The following SPMIP2 variants were observed in gnomAD, a reference collection of about 807,000 sequenced individuals.
SPMIP2 encodes protein SPMIP2.
At chr4:159,039,804 T>C in the SPMIP2 span, among the ~76,000 whole-genome samples, 1 of 152,236 alleles carries the variant, frequency 6.6e-6, no homozygotes, top group African/African-American at 2.4e-5. Context: ...GCTTCGATAA[T>C]TGAATAGCTA....
the SPMIP2 span, among the ~76,000 whole-genome samples, chr4:158,969,898 A>G: frequency 6.6e-6 from 1 of 152,228 alleles, no homozygotes; most frequent in Non-Finnish European, 1.5e-5. Context: ...TTAGACTAAA[A>G]CAAGAAGTGA....
the SPMIP2 span, among the ~76,000 whole-genome samples, chr4:158,896,654 G>A: frequency 1.3e-5 from 2 of 151,988 alleles, no homozygotes; most frequent in Non-Finnish European, 2.9e-5. Flanking sequence ...AGAATGTGAC[G>A]CCTGTGTTGT....
At chr4:159,080,925 G>T in the SPMIP2 span, among the ~76,000 whole-genome samples, 1 of 151,980 alleles carries the variant, frequency 6.6e-6, no homozygotes, top group African/African-American at 2.4e-5. Flanking sequence ...GGTTTTCACC[G>T]TGTTAGCCAG....
chr4:159,022,986 T>C, the SPMIP2 span, among the ~76,000 whole-genome samples: 29 of 151,840 alleles, frequency 1.9e-4, 1 homozygote, highest in Admixed American at 1.5e-3. Context: ...GCCGAGATCA[T>C]GCCACAACAC....
chr4:159,065,307 C>G, the SPMIP2 span, among the ~76,000 whole-genome samples: 1 of 152,222 alleles, frequency 6.6e-6, no homozygotes, highest in Admixed American at 6.5e-5. Context: ...AATAGCTAGA[C>G]AAGTTCACCA....
chr4:159,080,999 A>T, the SPMIP2 span, among the ~76,000 whole-genome samples: 1 of 150,884 alleles, frequency 6.6e-6, no homozygotes, highest in South Asian at 2.1e-4. Context: ...CTGGGATTAC[A>T]GGCACGAATG....
chr4:159,054,989 G>A, the SPMIP2 span, among the ~76,000 whole-genome samples: 1 of 152,198 alleles, frequency 6.6e-6, no homozygotes, highest in African/African-American at 2.4e-5. Context: ...CTTCTGCAAG[G>A]AAGTCTGCAT....
the SPMIP2 span, among the ~76,000 whole-genome samples, chr4:158,998,679 T>C: frequency 1.2e-4 from 18 of 152,152 alleles, no homozygotes; most frequent in Admixed American, 1.2e-3. Flanking sequence ...ATTATACAGA[T>C]AGATTGGAAA....
the SPMIP2 span, chr4:159,007,431 C>A: frequency 1.5e-6 from 1 of 672,398 alleles, no homozygotes. Flanking sequence ...TTCCTGCTTG[C>A]CCTGGTTAAG....
chr4:159,080,427 C>T, the SPMIP2 span, among the ~76,000 whole-genome samples: 1 of 152,138 alleles, frequency 6.6e-6, no homozygotes, highest in South Asian at 2.1e-4. Context: ...CCTATGCTGC[C>T]CAGGCTGGTC....
chr4:159,048,185 T>A, the SPMIP2 span, among the ~76,000 whole-genome samples: 1 of 152,164 alleles, frequency 6.6e-6, no homozygotes, highest in South Asian at 2.1e-4. Flanking sequence ...AGACCTGGCC[T>A]CTGTTTCAGA....
the SPMIP2 span, among the ~76,000 whole-genome samples, chr4:158,970,419 A>G: frequency 2.0e-5 from 3 of 152,112 alleles, no homozygotes; most frequent in African/African-American, 7.2e-5. Flanking sequence ...ATGTGCCTGT[A>G]GTCTCAGCTA....
chr4:158,964,156 AC>A, the SPMIP2 span, among the ~76,000 whole-genome samples: 26,885 of 105,292 alleles, frequency 0.26, 4,151 homozygotes, highest in Non-Finnish European at 0.33. Context: ...CTATCTCAAA[AC>A]AAAACAAAAC....
chr4:159,046,313 G>A, the SPMIP2 span, among the ~76,000 whole-genome samples: 1 of 151,676 alleles, frequency 6.6e-6, no homozygotes, highest in Non-Finnish European at 1.5e-5. Context: ...CGGTTATTTT[G>A]TAACCTAATC....
chr4:159,028,842 C>T, the SPMIP2 span, among the ~76,000 whole-genome samples: 1 of 152,016 alleles, frequency 6.6e-6, no homozygotes, highest in Non-Finnish European at 1.5e-5. Flanking sequence ...ACACCTGTAA[C>T]CCAGCACTTT....
the SPMIP2 span, among the ~76,000 whole-genome samples, chr4:158,968,667 G>A: frequency 2.0e-5 from 3 of 152,268 alleles, no homozygotes; most frequent in Middle Eastern, 3.4e-3. Context: ...AACCTCACCT[G>A]TTGATACCTC....
chr4:159,065,510 G>A, the SPMIP2 span, among the ~76,000 whole-genome samples: 2 of 152,138 alleles, frequency 1.3e-5, no homozygotes, highest in African/African-American at 4.8e-5. Flanking sequence ...TTGCAGTCAG[G>A]AGTTTGAGAC....
the SPMIP2 span, among the ~76,000 whole-genome samples, chr4:158,986,797 A>G: frequency 2.6e-5 from 4 of 151,906 alleles, 1 homozygote; most frequent in Admixed American, 2.6e-4. Context: ...TAATCAAACT[A>G]AAGAGCTTCT....
chr4:158,898,031 G>A, the SPMIP2 span, among the ~76,000 whole-genome samples: 873 of 152,272 alleles, frequency 5.7e-3, 10 homozygotes, highest in African/African-American at 0.02. Context: ...GTAATGAAGG[G>A]TTCCAGTTTC....
Sources: allele counts gnomAD v4.1 joint callset (sites outside exome capture counted in the v4.1 genomes callset), GRCh38; gene constraint gnomAD v4.1.1; transcripts MANE v1.5; gene names NCBI Gene and HGNC (gene_info 2026-07-23, HGNC 2026-07-21).